Variants in ACOT1 observed in about 807,000 individuals in gnomAD.
ACOT1 encodes the protein acyl-coenzyme A thioesterase 1.
ACOT1 carries 8 observed loss-of-function variants against 15.7 expected under a neutral mutation model. That is an observed-to-expected ratio of 0.51 (90% CI 0.30 to 0.92). The LOEUF (loss-of-function observed/expected upper bound fraction) is 0.92, where lower values mean the gene tolerates loss of function less well. ACOT1 is among the 40% of genes least tolerant of loss of function. The pLI, the probability that ACOT1 is intolerant of heterozygous loss-of-function variation, is 0.06. For synonymous variants in ACOT1, 67 were observed against 241.2 expected, an observed-to-expected ratio of 0.28 and a Z score of 6.69; for missense variants, 151 against 539.4, an observed-to-expected ratio of 0.28 and a Z score of 7.13.
At chr14:73,515,779 C>T in the ACOT1 span, among the ~76,000 whole-genome samples, 2 of 112,986 alleles carry the variant, frequency 1.8e-5, no homozygotes, top group Non-Finnish European at 3.5e-5. Flanking sequence ...CCAGCTTGGA[C>T]GTGCTGGGGG....
chr14:73,495,694 C>A, the ACOT1 span, among the ~76,000 whole-genome samples: 1 of 152,110 alleles, frequency 6.6e-6, no homozygotes, highest in Non-Finnish European at 1.5e-5. Context: ...TATACCTGTT[C>A]GTGAAAATTT....
chr14:73,498,962 A>T, the ACOT1 span: 1 of 910,786 alleles, frequency 1.1e-6, no homozygotes, highest in Non-Finnish European at 1.8e-6. Flanking sequence ...AGCTAAGATC[A>T]TTACCTCTCC....
At chr14:73,505,802 G>A in the ACOT1 span, among the ~76,000 whole-genome samples, 5 of 151,818 alleles carry the variant, frequency 3.3e-5, no homozygotes, top group East Asian at 9.7e-4. Flanking sequence ...GATCTTTGAT[G>A]AAGAACCAAT....
At chr14:73,500,057 A>G in the ACOT1 span, among the ~76,000 whole-genome samples, 1,714 of 152,248 alleles carry the variant, frequency 0.011, 38 homozygotes, top group African/African-American at 0.039. Context: ...GTGAAACCCC[A>G]TCTTTACTAA....
At chr14:73,521,036 C>A in the ACOT1 span, 1 of 1,612,722 alleles carries the variant, frequency 6.2e-7, no homozygotes, top group East Asian at 2.2e-5. Context: ...AGTAACTGGG[C>A]AATCTTGGCA....
At chr14:73,501,839 C>T in the ACOT1 span, among the ~76,000 whole-genome samples, 1 of 151,686 alleles carries the variant, frequency 6.6e-6, no homozygotes, top group Non-Finnish European at 1.5e-5. Context: ...CTGCAAGCTC[C>T]AACTCCCAGG....
the ACOT1 span, chr14:73,492,951 T>C: frequency 9.9e-6 from 16 of 1,611,404 alleles, no homozygotes; most frequent in Admixed American, 3.3e-5. This position sits in a 1 kb window ranked among gnomAD's most constrained non-coding sequence, Gnocchi z 4.9. Context: ...TAGTTTCTTG[T>C]TGATTGCTGG....
chr14:73,491,368 C>A, the ACOT1 span: 1 of 1,366,908 alleles, frequency 7.3e-7, no homozygotes, highest in Non-Finnish European at 9.4e-7. Flanking sequence ...CCCTGCAGAC[C>A]CCGTCGGCGC....
chr14:73,502,994 A>C, the ACOT1 span: 1 of 1,613,696 alleles, frequency 6.2e-7, no homozygotes, highest in Non-Finnish European at 8.5e-7. Context: ...CATCAGCTGG[A>C]TCAACTTATG....
chr14:73,499,154 G>A, the ACOT1 span: 1 of 1,612,982 alleles, frequency 6.2e-7, no homozygotes, highest in African/African-American at 1.3e-5. Context: ...GGATGGAAAA[G>A]GCAGTGTTGA....
the ACOT1 span, among the ~76,000 whole-genome samples, chr14:73,528,323 C>T: frequency 4.7e-5 from 6 of 128,474 alleles, no homozygotes; most frequent in East Asian, 2.6e-4. Flanking sequence ...AGCTGGGAGG[C>T]GGAGGTTGCA....
At chr14:73,492,196 T>C in the ACOT1 span, 1 of 1,613,942 alleles carries the variant, frequency 6.2e-7, no homozygotes, top group Admixed American at 1.7e-5. This position sits in a 1 kb window ranked among gnomAD's most constrained non-coding sequence, Gnocchi z 4.9. Flanking sequence ...TGCTGGAACC[T>C]GGAGATTTGC....
At chr14:73,520,648 G>A in the ACOT1 span, 1 of 505,300 alleles carries the variant, frequency 2.0e-6, no homozygotes, top group Non-Finnish European at 3.5e-6. Flanking sequence ...GAGAAAGCGG[G>A]GAGAGAGAGC....
At chr14:73,502,026 T>C in the ACOT1 span, among the ~76,000 whole-genome samples, 1 of 150,294 alleles carries the variant, frequency 6.7e-6, no homozygotes, top group Non-Finnish European at 1.5e-5. Flanking sequence ...ATTACAGGAG[T>C]GAGCCACTGC....
the ACOT1 span, among the ~76,000 whole-genome samples, chr14:73,529,485 A>G: frequency 1.3e-5 from 2 of 152,076 alleles, no homozygotes; most frequent in African/African-American, 2.4e-5. Flanking sequence ...TGGGGTTGGA[A>G]GGGTTAGGCT....
chr14:73,507,626 G>A, the ACOT1 span, among the ~76,000 whole-genome samples: 1 of 152,012 alleles, frequency 6.6e-6, no homozygotes, highest in East Asian at 1.9e-4. Flanking sequence ...TGTAGAGACA[G>A]GGTCTCACTA....
the ACOT1 span, among the ~76,000 whole-genome samples, chr14:73,517,959 A>ATG: frequency 6.6e-6 from 1 of 151,294 alleles, no homozygotes; most frequent in African/African-American, 2.4e-5. Flanking sequence ...GGTGGCGCGC[A>ATG]CCTGTAGTCC....
the ACOT1 span, chr14:73,519,224 G>C: frequency 2.0e-6 from 3 of 1,520,794 alleles, no homozygotes; most frequent in Non-Finnish European, 2.7e-6. Context: ...TTCTCCCTGG[G>C]TTCCTAATCA....
chr14:73,495,330 C>T, the ACOT1 span: 1 of 1,613,924 alleles, frequency 6.2e-7, no homozygotes, highest in Non-Finnish European at 8.5e-7. Context: ...TTTCCCATGA[C>T]CATCTCCAGC....
Sources: gnomAD v4.1 joint callset for allele counts (sites outside exome capture counted in the v4.1 genomes callset) on GRCh38, gnomAD v4.1.1 for gene constraint, Gnocchi (gnomAD v3.1) non-coding constraint, MANE v1.5 for transcripts, NCBI Gene and HGNC (gene_info 2026-07-23, HGNC 2026-07-21) for gene names.